Variants in SLC23A2 observed in about 807,000 individuals in gnomAD.
SLC23A2 encodes solute carrier family 23 member 2, also known as Na(+)/L-ascorbic acid transporter 2.
In SLC23A2, 36 loss-of-function variants were observed where a neutral mutation model predicts 73.3. That is an observed-to-expected ratio of 0.49 (90% CI 0.38 to 0.65). The LOEUF is 0.65. Among genes scored for constraint, SLC23A2 ranks in the 30% least tolerant of loss-of-function variants. SLC23A2 has a pLI of 0.00. For synonymous variants in SLC23A2, 343 were observed against 327.3 expected, an observed-to-expected ratio of 1.05 and a Z score of -0.52; for missense variants, 507 against 841.6, an observed-to-expected ratio of 0.60 and a Z score of 4.92.
rs551863188 is a variant in SLC23A2 at position 4,873,816 on chromosome 20, C to T, written c.1102+120G>A. On this transcript the variant is annotated intron_variant, in intron 11 of 16. Transcript: ENST00000338244. ...TACTTGCTGTCTAATCCTCTCCTGA[C>T]CAGAATGGCAAGGCCTTCAGGAGAC... is the stretch of plus-strand genomic sequence containing the variant. The T allele has an allele frequency of 1.0e-5, 10 of 997,650 alleles. No homozygotes were observed. The African/African-American group carries it at 1.5e-4, about 15-fold the overall frequency. 61.8% of individuals were successfully genotyped at this position (997,650 alleles called of 1,614,324 possible).
intron 4 of SLC23A2, among the ~76,000 whole-genome samples, chr20:4,903,465 T>C (rs1262174704): frequency 6.6e-6 from 1 of 152,232 alleles, no homozygotes; most frequent in African/African-American, 2.4e-5. Flanking sequence ...ATCCAAGATA[T>C]GTATCTCATT....
At chr20:4,917,479 G>C (rs773717761) in intron 3 of SLC23A2, among the ~76,000 whole-genome samples, 2 of 152,180 alleles carry the variant, frequency 1.3e-5, no homozygotes, top group Non-Finnish European at 2.9e-5. Context: ...CAGCTGGGAA[G>C]CTGGGTGGAT....
chr20:5,001,588 C>G (rs1417523822), upstream of SLC23A2: 1 of 150,146 alleles, frequency 6.7e-6, no homozygotes, highest in Non-Finnish European at 1.5e-5. Context: ...ACCTCCCTCC[C>G]CGCCCCCGAC....
rs2122867642 is a variant in SLC23A2 at position 4,899,646 on chromosome 20, C to T, written c.391G>A (p.Gly131Arg). Reference sequence around the variant, plus strand: ...TGGCTGGTGGCCCACTGGTCGTACCCCACACACATGGCATCGGCCAACAGG... The same window carrying T: ...TGGCTGGTGGCCCACTGGTCGTACCTCACACACATGGCATCGGCCAACAGG... ...PFLLADAMCVGYDQWATSQLI... is the reference protein window; with the variant it reads ...PFLLADAMCVRYDQWATSQLI... The change falls in exon 6 of 17, where the codon GGG becomes AGG. Residue 131 changes from glycine (G) to arginine (R), a missense_variant. By Grantham distance (125) the Gly-to-Arg change is moderately radical. This residue lies in a region of SLC23A2 where 217 missense variants were observed against 398.0 expected (regional missense o/e 0.55). Coordinates refer to ENST00000338244, the MANE Select transcript of SLC23A2 (RefSeq NM_005116.6). This position sits in a 1 kb window ranked among gnomAD's most constrained non-coding sequence, Gnocchi z 4.9. The T allele has an allele frequency of 6.2e-7, 1 of 1,614,146 alleles. No homozygotes were observed. The highest frequency in any genetic ancestry group is 8.5e-7 in the Non-Finnish European group (1 of 1,180,016).
intron 6 of SLC23A2, among the ~76,000 whole-genome samples, chr20:4,898,468 C>T (rs554408890): frequency 5.3e-5 from 8 of 152,184 alleles, no homozygotes; most frequent in Non-Finnish European, 1.2e-4. Context: ...TCAGCTCACA[C>T]CCACCTCCCA....
intron 2 of SLC23A2, among the ~76,000 whole-genome samples, chr20:4,949,373 G>A (rs7267986): frequency 0.028 from 4,188 of 150,458 alleles, 194 homozygotes; most frequent in African/African-American, 0.097. Flanking sequence ...CTGAAAATAA[G>A]TAATTTACTT....
At chr20:4,921,883 G>A (rs1048056739) in intron 3 of SLC23A2, among the ~76,000 whole-genome samples, 2 of 152,110 alleles carry the variant, frequency 1.3e-5, no homozygotes, top group Admixed American at 1.3e-4. Context: ...CCCCAACAAT[G>A]TAGTTTGTAC....
intron 6 of SLC23A2, among the ~76,000 whole-genome samples, chr20:4,889,684 C>T (rs1931247830): frequency 1.3e-5 from 2 of 151,842 alleles, no homozygotes; most frequent in African/African-American, 4.8e-5. Context: ...CTGGTGCACT[C>T]CCCACAAGCT....
chr20:4,901,718 A>G (rs1260000176), intron 5 of SLC23A2, among the ~76,000 whole-genome samples: 1 of 152,024 alleles, frequency 6.6e-6, no homozygotes, highest in Non-Finnish European at 1.5e-5. Context: ...AAAACCTACC[A>G]TTTAGGTCCT....
chr20:4,966,002 A>G (rs1311456643), intron 2 of SLC23A2, among the ~76,000 whole-genome samples: 2 of 151,558 alleles, frequency 1.3e-5, no homozygotes, highest in East Asian at 3.9e-4. Flanking sequence ...CAGGAGATCA[A>G]GGCTGCGGTG....
Position 4,863,509 on chromosome 20 carries a change from T to C in SLC23A2, c.1357-602A>G, listed in dbSNP as rs2122777623. Among the ~76,000 whole-genome samples, 1 of 152,318 alleles carries C rather than the reference T, an allele frequency of 6.6e-6. No homozygotes were observed. Among genetic ancestry groups the C allele is most frequent in the South Asian group, 2.1e-4 (1 of 4,824 alleles). ...AAGCCTCGTGGTTTTGTTTTGAGGA[T>C]TAAACGGGACCTGCATAAAACTGCC... On this transcript the variant is annotated intron_variant, in intron 13 of 16. Transcript: ENST00000338244. This position sits in a 1 kb window ranked among gnomAD's most constrained non-coding sequence, Gnocchi z 4.8.
chr20:4,886,065 G>A, intron 6 of SLC23A2, 156 bp from the exon 7 acceptor site: 1 of 557,206 alleles, frequency 1.8e-6, no homozygotes, highest in Non-Finnish European at 3.2e-6. Flanking sequence ...AAGGTTTCCT[G>A]TGCCATGCAG....
chr20:4,875,614 A>G (rs1600090112), intron 9 of SLC23A2, among the ~76,000 whole-genome samples: 1 of 151,816 alleles, frequency 6.6e-6, no homozygotes, highest in South Asian at 2.1e-4. Context: ...GCAGGTGCTG[A>G]CCCCTCCACG....
chr20:4,920,668 A>G (rs1932473116), intron 3 of SLC23A2, among the ~76,000 whole-genome samples: 1 of 152,270 alleles, frequency 6.6e-6, no homozygotes, highest in South Asian at 2.1e-4. Context: ...ACAGAACATC[A>G]TCTGTATATC....
At chr20:4,954,746 C>CATAA (rs1037200121) in intron 2 of SLC23A2, among the ~76,000 whole-genome samples, 1 of 147,732 alleles carries the variant, frequency 6.8e-6, no homozygotes, top group Non-Finnish European at 1.5e-5. Flanking sequence ...ACCAAAAAGG[C>CATAA]ATAAAACTCA....
In SLC23A2 at chr20:4,899,751, C is replaced by T. The variant is rs778974884; in HGVS notation, c.325-39G>A. 3 of 1,591,756 alleles carry T rather than the reference C, an allele frequency of 1.9e-6. No individual in the cohort carries two copies. Among genetic ancestry groups the T allele is most frequent in the Non-Finnish European group, 2.6e-6 (3 of 1,161,930 alleles). ...AAGGGTCAGAGGAGAAACAGTAAACCCTTCCTCATTTATTCTTGATTTCAT... is the reference window on the plus strand; with the variant it reads ...AAGGGTCAGAGGAGAAACAGTAAACTCTTCCTCATTTATTCTTGATTTCAT... On this transcript the variant is annotated intron_variant, in intron 5 of 16. Coordinates refer to ENST00000338244, the MANE Select transcript of SLC23A2 (RefSeq NM_005116.6). This position sits in a 1 kb window ranked among gnomAD's most constrained non-coding sequence, Gnocchi z 4.9.
Position 4,977,041 on chromosome 20 carries a change from G to A in SLC23A2, c.-281-6122C>T, listed in dbSNP as rs978635767. Among the ~76,000 whole-genome samples, 3 of 152,212 alleles carry A rather than the reference G, an allele frequency of 2.0e-5. No individual in the cohort carries two copies. The South Asian group carries it at 6.2e-4, about 32-fold the overall frequency. On this transcript the variant is annotated intron_variant, in intron 1 of 16. Transcript: ENST00000338244. ...GTTCTAGAAAAGTAATTAGATGAAT[G>A]TAATTGTACATATTTCAGTTGTAGG...
At chr20:4,894,765 A>G (rs1374295782) in intron 6 of SLC23A2, among the ~76,000 whole-genome samples, 3 of 152,128 alleles carry the variant, frequency 2.0e-5, no homozygotes, top group African/African-American at 7.2e-5. Context: ...GCAAAGACAC[A>G]CATCTGTTTC....
At chr20:4,896,000 G>A (rs565130979) in intron 6 of SLC23A2, among the ~76,000 whole-genome samples, 9 of 152,274 alleles carry the variant, frequency 5.9e-5, no homozygotes, top group East Asian at 1.9e-4. Context: ...GAGGTGGTGC[G>A]GCTGACAAGG....
Sources: gnomAD v4.1 joint callset for allele counts (sites outside exome capture counted in the v4.1 genomes callset) on GRCh38, gnomAD v4.1.1 for gene constraint, gnomAD v4.1.1 regional missense constraint, Gnocchi (gnomAD v3.1) non-coding constraint, MANE v1.5 for transcripts, NCBI Gene and HGNC (gene_info 2026-07-23, HGNC 2026-07-21) for gene names.